Variants in PZP observed in about 807,000 individuals in gnomAD.
PZP encodes the protein PZP alpha-2-macroglobulin like.
PZP carries 150 observed loss-of-function variants against 179.8 expected under a neutral mutation model. The observed-to-expected ratio is 0.83, with a 90% CI of 0.73 to 0.96. The LOEUF (loss-of-function observed/expected upper bound fraction) is 0.96, where lower values mean the gene tolerates loss of function less well. Among genes scored for constraint, PZP ranks in the 40% least tolerant of loss-of-function variants. PZP has a pLI of 0.00. For missense variants in PZP, 1,689 were observed against 1,764.0 expected (o/e 0.96, Z 0.76); for synonymous variants, 624 against 652.3 (o/e 0.96, Z 0.66).
At chr12:9,169,714 CT>C in intron 15 of PZP, 123 bp from the exon 16 acceptor site, 1 of 888,918 alleles carries the variant, frequency 1.1e-6, no homozygotes, top group Non-Finnish European at 1.6e-6. Flanking sequence ...TAGTTGGTAC[CT>C]TAGAGATAGT....
intron 13 of PZP, among the ~76,000 whole-genome samples, 163 bp downstream of exon 13, chr12:9,192,030 G>A (rs113360216): frequency 2.0e-5 from 3 of 152,268 alleles, no homozygotes; most frequent in African/African-American, 7.2e-5. Context: ...TCTGTTGACT[G>A]TTGAATTTTA....
intron 13 of PZP, among the ~76,000 whole-genome samples, chr12:9,184,881 A>G (rs955205933): frequency 2.6e-5 from 4 of 152,200 alleles, no homozygotes; most frequent in Admixed American, 6.5e-5. Context: ...ACCTTATACC[A>G]CAATCAAACC....
In PZP at chr12:9,177,486, C is replaced by T. The variant is rs150601835; in HGVS notation, c.1839+3497G>A. On this transcript the variant is annotated intron_variant, in intron 15 of 35. Transcript: ENST00000261336. Reference sequence around the variant, plus strand: ...TAAGCTGCTCTGAATTCCTGACTCACAGAAATTGCATGTGATAATAAATGT... The same window carrying T: ...TAAGCTGCTCTGAATTCCTGACTCATAGAAATTGCATGTGATAATAAATGT... 2.2e-3 allele frequency among the ~76,000 whole-genome samples: 329 copies of T among 152,330 alleles called. 2 individuals are homozygous for T. The highest frequency in any genetic ancestry group is 5.6e-3 in the South Asian group (27 of 4,828).
chr12:9,185,083 G>A (rs1325087266), intron 13 of PZP, among the ~76,000 whole-genome samples: 1 of 152,220 alleles, frequency 6.6e-6, no homozygotes, highest in Admixed American at 6.5e-5. Flanking sequence ...GGGCTGAGAT[G>A]GCTGAAATGA....
the PZP span, among the ~76,000 whole-genome samples, chr12:9,143,575 G>T: frequency 2.0e-5 from 3 of 152,064 alleles, no homozygotes; most frequent in East Asian, 3.9e-4. Context: ...CACAGGGAGG[G>T]TCAGGATCTT....
At position 9,166,043 on chromosome 12, in the gene PZP, G is replaced by C. The variant is rs763378941; in HGVS notation, c.2258+9C>G. The C allele has an allele frequency of 1.2e-5, 19 of 1,598,242 alleles. No homozygotes were observed. In the Admixed American group the frequency reaches 3.3e-4, roughly 27 times the overall value. ...CCTCCAGCAAATGGAGGAAAGTAAA[G>C]TTACTTACTTCACTGCCACCAACTC... is the stretch of plus-strand genomic sequence containing the variant. On this transcript the variant is annotated intron_variant, in intron 18 of 35. Transcript: ENST00000261336.
At chr12:9,146,072 G>T (rs1939993104), downstream of PZP, among the ~76,000 whole-genome samples, 1 of 151,938 alleles carries the variant, frequency 6.6e-6, no homozygotes, top group African/African-American at 2.4e-5. Flanking sequence ...CCTTTTTCAG[G>T]TTGAGAAGGT....
In PZP at chr12:9,157,242, G is replaced by A. The variant is rs777456697; in HGVS notation, c.3483C>T (p.Ser1161=). 7 of 1,614,098 alleles carry A rather than the reference G, an allele frequency of 4.3e-6. No individual in the cohort carries two copies. The highest frequency in any genetic ancestry group is 2.5e-6 in the Non-Finnish European group (3 of 1,179,990). Residue 1161 remains serine, a synonymous_variant, in exon 28 of 36, where the codon TCC becomes TCT. Transcript: ENST00000261336. ...YTKALLAYAF[S]LLGKQNQNRE... ...TATTCTGATTTTGCTTTCCCAGTAG[G>A]GAAAAAGCATAGGCCAGCAATGCCT...
chr12:9,201,440 AT>A, intron 4 of PZP, 93 bp from the exon 5 acceptor site: 1 of 950,202 alleles, frequency 1.1e-6, no homozygotes, highest in Non-Finnish European at 1.6e-6. Context: ...GAGGAAGAAT[AT>A]TATCTGTAGC....
At position 9,200,664 on chromosome 12, in the gene PZP, G is replaced by A. The variant is rs141950098; in HGVS notation, c.671-216C>T. ...GTCTCAGTGACGTTAACAAATGATG[G>A]TGGTTTCACTGAAACAAGAAGTTTC... On this transcript the variant is annotated intron_variant, in intron 6 of 35. Transcript: ENST00000261336. Among the ~76,000 whole-genome samples, 276 of 152,228 alleles carry A rather than the reference G, an allele frequency of 1.8e-3. 1 individual carries two copies. The highest frequency in any genetic ancestry group is 0.01 in the Middle Eastern group (3 of 294).
downstream of PZP, among the ~76,000 whole-genome samples, chr12:9,147,943 A>G (rs1462191342): frequency 2.0e-5 from 3 of 151,746 alleles, no homozygotes; most frequent in East Asian, 5.8e-4. Flanking sequence ...CCCACACTAC[A>G]TTTATCCCTG....
At chr12:9,191,182 C>T (rs1473677163) in intron 13 of PZP, among the ~76,000 whole-genome samples, 6 of 151,962 alleles carry the variant, frequency 3.9e-5, no homozygotes, top group African/African-American at 1.4e-4. Context: ...GAATAAAATT[C>T]AAATTGGAAT....
Position 9,148,968 on chromosome 12 carries a change from G to A in PZP, c.*4C>T. 1 of 1,609,340 alleles carries A rather than the reference G, an allele frequency of 6.2e-7. No individual in the cohort carries two copies. Among genetic ancestry groups the A allele is most frequent in the Non-Finnish European group, 8.5e-7 (1 of 1,175,746 alleles). ...TCCACCAAAATATACAGCCTGTATG[G>A]TCCTCAAACATTTCCATGCTCTGTA... On this transcript the variant is annotated 3_prime_UTR_variant, in exon 36 of 36. Transcript: ENST00000261336.
Position 9,160,523 on chromosome 12 carries a change from A to G in PZP, c.2873-33T>C, listed in dbSNP as rs143143265. On this transcript the variant is annotated intron_variant, in intron 23 of 35. Coordinates refer to ENST00000261336, the MANE Select transcript of PZP (RefSeq NM_002864.3). ...ATGTGAAAGATTAGATGTCAGAATA[A>G]TTTCAGTTCATAAATAGCCAACATT... The G allele has an allele frequency of 6.2e-5, 99 of 1,589,398 alleles. No individual in the cohort carries two copies. The East Asian group carries it at 2.1e-3, about 34-fold the overall frequency.
intron 15 of PZP, among the ~76,000 whole-genome samples, chr12:9,176,813 G>C (rs752194511): frequency 6.6e-6 from 1 of 152,260 alleles, no homozygotes; most frequent in African/African-American, 2.4e-5. Context: ...TTCCACCATT[G>C]CATGTTAAGT....
rs200823093 is a variant in PZP, at chr12:9,164,192, T to A, written c.2555A>T (p.Tyr852Phe). 153 of 1,609,130 alleles carry A rather than the reference T, an allele frequency of 9.5e-5. 3 individuals are homozygous for A. In the Admixed American group the frequency reaches 2.5e-3, roughly 27 times the overall value. The stretch of plus-strand genomic sequence containing the variant: ...TTGTCTCTCATTTCCACAGATACAA[T>A]AGGATTCTTCTCCCTTTGTATTTTG... Reference protein sequence around the residue: ...ASQNTKGEESYCICGNERQTL... With the variant: ...ASQNTKGEESFCICGNERQTL... The change falls in exon 20 of 36, where the codon TAT (tyrosine) becomes TTT (phenylalanine). Residue 852 changes from tyrosine to phenylalanine, a missense_variant. Tyr to Phe is a conservative substitution (Grantham distance 22). Coordinates refer to ENST00000261336, the MANE Select transcript of PZP (RefSeq NM_002864.3).
At position 9,192,503 on chromosome 12, in the gene PZP, C is replaced by T; in HGVS notation, c.1482+9G>A. On this transcript the variant is annotated intron_variant, in intron 12 of 35. Coordinates refer to ENST00000261336, the MANE Select transcript of PZP (RefSeq NM_002864.3). ...AAGCTGCAATTGTATTCCATGGCCT[C>T]ATTCTTACCAGGTAATGGAAACTGA... 1 of 1,606,894 alleles carries T rather than the reference C, an allele frequency of 6.2e-7. No homozygotes were observed.
At position 9,203,915 on chromosome 12, in the gene PZP, A is replaced by C. The variant is rs755714429; in HGVS notation, c.120T>G (p.Thr40=). The C allele has an allele frequency of 9.3e-6, 15 of 1,613,920 alleles. No homozygotes were observed. In the South Asian group the frequency reaches 1.5e-4, roughly 17 times the overall value. Residue 40 remains threonine (T), a synonymous_variant, in exon 2 of 36, where the codon ACT becomes ACG. Transcript: ENST00000261336. The part of the protein sequence containing the change: ...YMVLVPSLLH[T]EAPKKGCVLL... ...GGACACAGCCCTTCTTAGGGGCCTCAGTGTGGAGCAGGGAGGGGACCAGCA... is the reference window on the plus strand; with the variant it reads ...GGACACAGCCCTTCTTAGGGGCCTCCGTGTGGAGCAGGGAGGGGACCAGCA...
At chr12:9,181,154 T>C in intron 14 of PZP, 22 bp from the exon 15 acceptor site, 1 of 1,613,860 alleles carries the variant, frequency 6.2e-7, no homozygotes, top group Non-Finnish European at 8.5e-7. Flanking sequence ...GAAGGAAACG[T>C]CAACCAGTGT....
Sources: gnomAD v4.1 joint callset for allele counts (sites outside exome capture counted in the v4.1 genomes callset) on GRCh38, gnomAD v4.1.1 for gene constraint, MANE v1.5 for transcripts, NCBI Gene and HGNC (gene_info 2026-07-23, HGNC 2026-07-21) for gene names.